KCNMB2: variants seen among roughly 807,000 people sequenced by gnomAD.
KCNMB2 encodes potassium calcium-activated channel subfamily M regulatory beta subunit 2.
In KCNMB2, 9 loss-of-function variants were observed where a neutral mutation model predicts 24.5. The ratio of observed to expected loss-of-function variants is 0.37; its 90% CI spans 0.22 to 0.64. The LOEUF (loss-of-function observed/expected upper bound fraction) is 0.64, where lower values mean the gene tolerates loss of function less well. KCNMB2 is among the 30% of genes least tolerant of loss of function. KCNMB2 has a pLI of 0.63. For missense variants in KCNMB2, 226 were observed against 284.3 expected (o/e 0.79, Z 1.47); for synonymous variants, 109 against 104.4 (o/e 1.04, Z -0.27).
intron 1 of KCNMB2, among the ~76,000 whole-genome samples, chr3:178,709,543 T>C (rs1295442150): frequency 6.6e-6 from 1 of 152,178 alleles, no homozygotes; most frequent in African/African-American, 2.4e-5. Context: ...TTTTTAAGAC[T>C]GTTTTATATA....
intron 1 of KCNMB2, among the ~76,000 whole-genome samples, chr3:178,620,656 C>T (rs1183091377): frequency 6.6e-6 from 1 of 152,178 alleles, no homozygotes; most frequent in Non-Finnish European, 1.5e-5. Context: ...CTCTTCATAC[C>T]ATCATTTTAC....
At chr3:178,772,641 G>C (rs1712420855) in intron 1 of KCNMB2, among the ~76,000 whole-genome samples, 1 of 152,208 alleles carries the variant, frequency 6.6e-6, no homozygotes, top group Admixed American at 6.5e-5. Flanking sequence ...CAGTGTAAAA[G>C]TGGACTAATA....
intron 1 of KCNMB2, among the ~76,000 whole-genome samples, chr3:178,633,361 T>C (rs1719395045): frequency 6.6e-6 from 1 of 152,226 alleles, no homozygotes; most frequent in South Asian, 2.1e-4. Context: ...AACTTCTGAC[T>C]GGACATACAG....
At chr3:178,770,900 T>G (rs1712323976) in intron 1 of KCNMB2, among the ~76,000 whole-genome samples, 1 of 152,166 alleles carries the variant, frequency 6.6e-6, no homozygotes, top group Non-Finnish European at 1.5e-5. Context: ...TTTTGACTCT[T>G]AGCTTTTATG....
chr3:178,816,928 A>C (rs953224376), intron 2 of KCNMB2, among the ~76,000 whole-genome samples: 3 of 152,108 alleles, frequency 2.0e-5, no homozygotes, highest in Non-Finnish European at 2.9e-5. Flanking sequence ...TTCTTTCTAT[A>C]TCTTGGATTA....
At chr3:178,759,251 C>A (rs563256071) in intron 1 of KCNMB2, among the ~76,000 whole-genome samples, 23 of 115,282 alleles carry the variant, frequency 2.0e-4, no homozygotes, top group East Asian at 2.5e-4. Flanking sequence ...ATATATATAT[C>A]TCTCCAAGAA....
In KCNMB2 at chr3:178,679,907, T is replaced by C. The variant is rs73044288; in HGVS notation, c.-67-127436T>C. ...GGATTTGAAAGAGGGTGAGTGAAAATGCCCCCATTCACAAAGTGCTCTGTC... is the reference window on the plus strand; with the variant it reads ...GGATTTGAAAGAGGGTGAGTGAAAACGCCCCCATTCACAAAGTGCTCTGTC... On this transcript the variant is annotated intron_variant, in intron 1 of 4. Transcript: ENST00000452583. Among the ~76,000 whole-genome samples, 250 of 152,106 alleles carry C rather than the reference T, an allele frequency of 1.6e-3. 1 individual carries two copies. The highest frequency in any genetic ancestry group is 5.8e-3 in the African/African-American group (239 of 41,484).
rs547417017 is a variant in KCNMB2 at position 178,550,327 on chromosome 3, G to A, written c.-68+13616G>A. Among the ~76,000 whole-genome samples the A allele has an allele frequency of 1.0e-3, 151 of 151,462 alleles. 2 individuals carry two copies. Among genetic ancestry groups the A allele is most frequent in the African/African-American group, 3.4e-3 (142 of 41,364 alleles). On this transcript the variant is annotated intron_variant, in intron 1 of 4. Transcript: ENST00000452583. ...AAAAAAATTAGACGGGCATGGTGGC[G>A]GGCACCTGTAGTCCCAGCTACTCGG...
At chr3:178,770,543 T>C (rs540405971) in intron 1 of KCNMB2, among the ~76,000 whole-genome samples, 134 of 152,334 alleles carry the variant, frequency 8.8e-4, no homozygotes, top group Admixed American at 1.9e-3. Flanking sequence ...ACAAGTGTCA[T>C]AAATTTTTAG....
chr3:178,801,327 A>C (rs1713769224), intron 1 of KCNMB2, among the ~76,000 whole-genome samples: 1 of 152,150 alleles, frequency 6.6e-6, no homozygotes, highest in Non-Finnish European at 1.5e-5. Flanking sequence ...GCACCCATAA[A>C]AATTAAAAAG....
At chr3:178,663,891 C>T (rs7610150) in intron 1 of KCNMB2, among the ~76,000 whole-genome samples, 6,632 of 152,098 alleles carry the variant, frequency 0.044, 187 homozygotes, top group African/African-American at 0.063. Flanking sequence ...GTAGCTGAAA[C>T]ACTGGTGGCA....
intron 1 of KCNMB2, among the ~76,000 whole-genome samples, chr3:178,690,718 C>T (rs1451095997): frequency 6.6e-6 from 1 of 152,118 alleles, no homozygotes; most frequent in African/African-American, 2.4e-5. Context: ...TAAGATTTCC[C>T]TTTCTAAATC....
At chr3:178,625,715 T>A (rs533068252) in intron 1 of KCNMB2, among the ~76,000 whole-genome samples, 5 of 152,338 alleles carry the variant, frequency 3.3e-5, no homozygotes, top group African/African-American at 1.2e-4. Flanking sequence ...GCAGCCTTGG[T>A]GAAGTCATTA....
intron 1 of KCNMB2, among the ~76,000 whole-genome samples, chr3:178,675,244 G>T (rs1721032664): frequency 6.6e-6 from 1 of 152,174 alleles, no homozygotes; most frequent in African/African-American, 2.4e-5. Context: ...CTCTTAATAA[G>T]CATTTGTGAA....
rs1364980510 is a variant in KCNMB2, at chr3:178,784,321, C to T, written c.-67-23022C>T. Among the ~76,000 whole-genome samples, 5 of 152,132 alleles carry T rather than the reference C, an allele frequency of 3.3e-5. No homozygotes were observed. The East Asian group carries it at 9.6e-4, about 29-fold the overall frequency. On this transcript the variant is annotated intron_variant, in intron 1 of 4. Coordinates refer to ENST00000452583, the MANE Select transcript of KCNMB2 (RefSeq NM_181361.3). ...TGAGATTCAGAGGTTAACTAGCTTACCCCGTGTCATATAGCAAAGAAGGAT... is the reference window on the plus strand; with the variant it reads ...TGAGATTCAGAGGTTAACTAGCTTATCCCGTGTCATATAGCAAAGAAGGAT...
intron 1 of KCNMB2, among the ~76,000 whole-genome samples, chr3:178,798,821 A>G (rs1713658175): frequency 1.3e-5 from 2 of 152,222 alleles, no homozygotes; most frequent in East Asian, 3.9e-4. Flanking sequence ...GCAAACCACC[A>G]TGGCACATGT....
At position 178,642,940 on chromosome 3, in the gene KCNMB2, A is replaced by C. The variant is rs1719779172; in HGVS notation, c.-68+106229A>C. ...GAAATAACCAGCTTCAACTTTCCCC[A>C]CCTGCAGAAGACGTTTGACACAGCA... is the stretch of plus-strand genomic sequence containing the variant. On this transcript the variant is annotated intron_variant, in intron 1 of 4. Transcript: ENST00000452583. Among the ~76,000 whole-genome samples, 4 of 152,216 alleles carry C rather than the reference A, an allele frequency of 2.6e-5. No individual in the cohort carries two copies. In the South Asian group the frequency reaches 8.3e-4, roughly 31 times the overall value.
intron 1 of KCNMB2, among the ~76,000 whole-genome samples, chr3:178,693,180 T>A (rs1379568790): frequency 2.0e-5 from 3 of 152,232 alleles, no homozygotes; most frequent in Non-Finnish European, 4.4e-5. Context: ...AGATATAGGA[T>A]CATGTCATCT....
chr3:178,622,373 A>T (rs1718955270), intron 1 of KCNMB2, among the ~76,000 whole-genome samples: 2 of 152,208 alleles, frequency 1.3e-5, no homozygotes, highest in African/African-American at 4.8e-5. Context: ...ATTAAAATGT[A>T]TGGTGCCTGT....
Sources: allele counts gnomAD v4.1 joint callset (sites outside exome capture counted in the v4.1 genomes callset), GRCh38; gene constraint gnomAD v4.1.1; transcripts MANE v1.5; gene names NCBI Gene and HGNC (gene_info 2026-07-23, HGNC 2026-07-21).